Variants in TG observed in about 807,000 individuals in gnomAD.
TG encodes the protein thyroglobulin.
Under a neutral mutation model 324.7 loss-of-function variants are expected in TG, and 270 were observed. That is an observed-to-expected ratio of 0.83 (90% CI 0.75 to 0.92). The LOEUF is 0.92. Ranked by LOEUF, TG falls within the 40% of genes least tolerant of loss-of-function variation. The pLI, the probability that TG is intolerant of heterozygous loss-of-function variation, is 0.00. For synonymous variants in TG, 1,401 were observed against 1,327.0 expected (o/e 1.06, Z -1.21); for missense variants, 3,591 against 3,456.4 (o/e 1.04, Z -0.98).
chr8:133,063,054 A>G (rs1842602637), intron 41 of TG, among the ~76,000 whole-genome samples: 1 of 152,166 alleles, frequency 6.6e-6, no homozygotes. Flanking sequence ...GCTTCTGGGG[A>G]AAGTTCTCAA....
intron 26 of TG, among the ~76,000 whole-genome samples, chr8:132,942,634 C>A (rs1349291312): frequency 6.6e-6 from 1 of 152,084 alleles, no homozygotes. Context: ...GAATAAATGG[C>A]CTTTACTCAT....
intron 21 of TG, among the ~76,000 whole-genome samples, chr8:132,920,630 G>A (rs1002229467): frequency 1.3e-5 from 2 of 152,182 alleles, no homozygotes; most frequent in Non-Finnish European, 2.9e-5. Flanking sequence ...TACCAGAGAA[G>A]CACTTTCTTA....
intron 44 of TG, among the ~76,000 whole-genome samples, chr8:133,113,900 C>A (rs1253992950): frequency 6.6e-6 from 1 of 152,214 alleles, no homozygotes; most frequent in African/African-American, 2.4e-5. Context: ...AAGCACTTGC[C>A]AGAAGTGCCT....
intron 35 of TG, among the ~76,000 whole-genome samples, chr8:132,984,691 C>G (rs1197020067): frequency 1.3e-5 from 2 of 152,146 alleles, no homozygotes; most frequent in African/African-American, 4.8e-5. Flanking sequence ...CACCTGTAAT[C>G]TCAGCACTTT....
At chr8:132,940,447 G>A (rs754109191) in intron 25 of TG, among the ~76,000 whole-genome samples, 8 of 152,244 alleles carry the variant, frequency 5.3e-5, no homozygotes, top group South Asian at 2.1e-4. Context: ...ACTTAGGGAC[G>A]GGAAACCCAA....
intron 29 of TG, among the ~76,000 whole-genome samples, chr8:132,965,592 G>T (rs1828444075): frequency 6.6e-6 from 1 of 152,184 alleles, no homozygotes; most frequent in South Asian, 2.1e-4. Flanking sequence ...GCCCTCCAAG[G>T]TTACAGAGCT....
At position 132,888,498 on chromosome 8, in the gene TG, C is replaced by T. The variant is rs1183227754; in HGVS notation, c.2691C>T (p.Asn897=). 1.9e-6 allele frequency: 3 copies of T among 1,610,058 alleles called. No individual in the cohort carries two copies. Among genetic ancestry groups the T allele is most frequent in the Admixed American group, 1.7e-5 (1 of 59,810 alleles). The change falls in exon 10 of 48, where the codon AAC becomes AAT. Residue 897 remains asparagine, a synonymous_variant. Transcript: ENST00000220616. ...CTTTGGCACATTTTGATCTTCGGAA[C>T]TGCTGGTGTGTGGATGAGGCTGGCC... is the stretch of plus-strand genomic sequence containing the variant. ...STPLAHFDLR[N]CWCVDEAGQE...
chr8:132,870,741 C>G (rs1255236421), intron 3 of TG, among the ~76,000 whole-genome samples: 1 of 151,962 alleles, frequency 6.6e-6, no homozygotes, highest in Non-Finnish European at 1.5e-5. Flanking sequence ...GGAAGAGGAA[C>G]CATCTGTGCA....
intron 35 of TG, chr8:132,988,902 T>G (rs1831954102): frequency 1.0e-6 from 1 of 985,138 alleles, no homozygotes; most frequent in Non-Finnish European, 1.2e-6. Context: ...TAGAGGTGTG[T>G]ATTAGTTCAT....
intron 43 of TG, chr8:133,106,317 G>A (rs1194553666): frequency 1.4e-5 from 11 of 767,958 alleles, no homozygotes; most frequent in East Asian, 1.3e-4. Context: ...AGCGCTGAGG[G>A]GCCAGTCGGC....
In TG at chr8:133,002,092, T is replaced by C. The variant is rs561656073; in HGVS notation, c.6263-9809T>C. 37 of 985,442 alleles carry C rather than the reference T, an allele frequency of 3.8e-5. No individual in the cohort carries two copies. In the African/African-American group the frequency reaches 5.9e-4, roughly 16 times the overall value. 61.0% of individuals were successfully genotyped at this position (985,442 alleles called of 1,614,324 possible). On this transcript the variant is annotated intron_variant, in intron 35 of 47. Transcript: ENST00000220616. ...GGATGGGTCTGTGATTATTTGAACGTTGGAGAGAGTGTCAGGCATTTGCTG... is the reference window on the plus strand; with the variant it reads ...GGATGGGTCTGTGATTATTTGAACGCTGGAGAGAGTGTCAGGCATTTGCTG...
intron 41 of TG, among the ~76,000 whole-genome samples, chr8:133,068,938 G>A (rs1412321601): frequency 6.6e-6 from 1 of 152,260 alleles, no homozygotes; most frequent in African/African-American, 2.4e-5. Flanking sequence ...TTTGGCCTAG[G>A]CCAGGTCCTG....
At chr8:132,912,068 T>C (rs1055216131) in intron 19 of TG, among the ~76,000 whole-genome samples, 6 of 152,166 alleles carry the variant, frequency 3.9e-5, no homozygotes, top group African/African-American at 1.4e-4. Flanking sequence ...GGGAGGCAAG[T>C]CCATTTTCTC....
At chr8:132,930,786 A>G (rs1031876815) in intron 23 of TG, among the ~76,000 whole-genome samples, 1 of 152,138 alleles carries the variant, frequency 6.6e-6, no homozygotes, top group Non-Finnish European at 1.5e-5. Context: ...CCATCTGTTC[A>G]TGTCCAGAGA....
intron 20 of TG, among the ~76,000 whole-genome samples, chr8:132,915,198 C>T (rs1386475593): frequency 1.3e-5 from 2 of 152,154 alleles, no homozygotes; most frequent in African/African-American, 4.8e-5. Context: ...CTGGAAGCAG[C>T]CCCAGGAGGC....
intron 41 of TG, among the ~76,000 whole-genome samples, chr8:133,067,897 AG>A (rs1564145707): frequency 3.5e-4 from 41 of 116,010 alleles, no homozygotes; most frequent in South Asian, 1.2e-3. Flanking sequence ...TATGTATGGA[AG>A]GAAGGAAGGA....
chr8:132,937,713 C>G (rs993475960), intron 25 of TG, among the ~76,000 whole-genome samples: 1 of 151,976 alleles, frequency 6.6e-6, no homozygotes, highest in Non-Finnish European at 1.5e-5. Context: ...CATGACTTAC[C>G]CTTTTATGAC....
At chr8:133,105,169 CCTGTGATGTT>C (rs1849690943) in intron 43 of TG, among the ~76,000 whole-genome samples, 1 of 152,200 alleles carries the variant, frequency 6.6e-6, no homozygotes, top group Non-Finnish European at 1.5e-5. Flanking sequence ...TCTTCCCCAA[CCTGTGATGTT>C]ACAACCATTT....
intron 23 of TG, among the ~76,000 whole-genome samples, chr8:132,932,191 T>C (rs1405728476): frequency 6.6e-6 from 1 of 152,114 alleles, no homozygotes; most frequent in African/African-American, 2.4e-5. Flanking sequence ...TCTCAGTGCC[T>C]AGTTCATAAA....
Sources: allele counts gnomAD v4.1 joint callset (sites outside exome capture counted in the v4.1 genomes callset), GRCh38; gene constraint gnomAD v4.1.1; transcripts MANE v1.5; gene names NCBI Gene and HGNC (gene_info 2026-07-23, HGNC 2026-07-21).